The following DNAH9 variants were observed in gnomAD, a reference collection of about 807,000 sequenced individuals.
DNAH9 encodes the protein dynein axonemal heavy chain 9.
Under a neutral mutation model 471.6 loss-of-function variants are expected in DNAH9, and 345 were observed. The ratio of observed to expected loss-of-function variants is 0.73; its 90% CI spans 0.67 to 0.80. The LOEUF (loss-of-function observed/expected upper bound fraction) is 0.80. DNAH9 is among the 30% of genes least tolerant of loss of function. The pLI is 0.00. For synonymous variants in DNAH9, 2,093 were observed against 2,123.6 expected, an observed-to-expected ratio of 0.99 and a Z score of 0.40; for missense variants, 5,407 against 5,609.2, an observed-to-expected ratio of 0.96 and a Z score of 1.15.
chr17:11,807,841 A>T lies in DNAH9; in HGVS notation c.8530A>T (p.Met2844Leu), dbSNP rs767646283. ...AAGGCTGGCAGCTTTCATCAGCTCC[A>T]TGGATGTCTTCCAGATCACACTGCG... ...LTRLAAFISS[M>L]DVFQITLRKG... The change falls in exon 44 of 69, where the codon ATG becomes TTG. Residue 2844 changes from methionine to leucine, a missense_variant. This residue lies in a region of DNAH9 where 4,636 missense variants were observed against 4,900.3 expected (regional missense o/e 0.95). Transcript: ENST00000262442. The T allele has an allele frequency of 6.2e-7, 1 of 1,614,104 alleles. No individual in the cohort carries two copies. Among genetic ancestry groups the T allele is most frequent in the Admixed American group, 1.7e-5 (1 of 60,028 alleles).
In DNAH9 at chr17:11,888,195, A is replaced by G. The variant is rs187787529; in HGVS notation, c.11112+1230A>G. ...GAGACGGGGTTTCACTGTGTTAGCC[A>G]GGATGGTCTCGATCTCCGGACTTCG... On this transcript the variant is annotated intron_variant, in intron 57 of 68. Coordinates refer to ENST00000262442, the MANE Select transcript of DNAH9 (RefSeq NM_001372.4). 1.8e-3 allele frequency among the ~76,000 whole-genome samples: 277 copies of G among 152,106 alleles called. 2 individuals carry two copies. Among genetic ancestry groups the G allele is most frequent in the African/African-American group, 6.3e-3 (262 of 41,490 alleles).
At chr17:11,642,452 T>G (rs541473648) in intron 10 of DNAH9, among the ~76,000 whole-genome samples, 1 of 152,202 alleles carries the variant, frequency 6.6e-6, no homozygotes, top group South Asian at 2.1e-4. Context: ...CTCAGGACGC[T>G]GAGGCAGGAG....
At chr17:11,781,258 G>A (rs1968656225) in intron 39 of DNAH9, 84 bp downstream of exon 39, 10 of 1,431,038 alleles carry the variant, frequency 7.0e-6, no homozygotes, top group Middle Eastern at 2.2e-4. Flanking sequence ...CTGCCTGAAC[G>A]GCAAACCTCA....
At chr17:11,963,614 C>T (rs1290261072) in intron 68 of DNAH9, among the ~76,000 whole-genome samples, 1 of 151,916 alleles carries the variant, frequency 6.6e-6, no homozygotes, top group African/African-American at 2.4e-5. Context: ...ACAATATTCC[C>T]ATGTAACAAA....
chr17:11,783,574 C>T (rs1365203462), intron 39 of DNAH9, 72 bp from the exon 40 acceptor site: 3 of 1,145,142 alleles, frequency 2.6e-6, no homozygotes, highest in East Asian at 4.7e-5. Flanking sequence ...GCACATCCTA[C>T]CGCACCTTGA....
rs2150651844 is a variant in DNAH9, at chr17:11,617,482, G to A, written c.976G>A (p.Ala326Thr). ...GCGCCACCTGGAAGCTCTGGAGAAT[G>A]CAGAATTTCCGGAGGTGAAGCCCCA... is the stretch of plus-strand genomic sequence containing the variant. Reference protein sequence around the residue: ...LQRHLEALENAEFPEVKPQLR... With the variant: ...LQRHLEALENTEFPEVKPQLR... Residue 326 changes from alanine to threonine, a missense_variant, in exon 5 of 69, where the codon GCA becomes ACA. Around this residue, in one of 3 missense-constraint regions of DNAH9, gnomAD observed 767 missense variants for 692.5 expected, o/e 1.11. Transcript: ENST00000262442. The A allele has an allele frequency of 6.2e-7, 1 of 1,614,166 alleles. No homozygotes were observed. The highest frequency in any genetic ancestry group is 8.5e-7 in the Non-Finnish European group (1 of 1,179,998).
At chr17:11,942,064 T>C (rs1009322763) in intron 66 of DNAH9, among the ~76,000 whole-genome samples, 6 of 152,178 alleles carry the variant, frequency 3.9e-5, no homozygotes, top group Non-Finnish European at 8.8e-5. Context: ...CATCTTATTA[T>C]GCTAGGCATG....
intron 45 of DNAH9, among the ~76,000 whole-genome samples, chr17:11,814,018 T>C (rs1263014048): frequency 6.6e-6 from 1 of 152,206 alleles, no homozygotes; most frequent in African/African-American, 2.4e-5. Context: ...ATAGGGGTCA[T>C]GCAACTGCTG....
At chr17:11,739,258 C>T (rs2075397827) in intron 29 of DNAH9, among the ~76,000 whole-genome samples, 2 of 152,172 alleles carry the variant, frequency 1.3e-5, no homozygotes, top group Admixed American at 6.5e-5. Context: ...CGTTGGTAGC[C>T]TGCATTTGCG....
At chr17:11,837,556 C>T (rs567225325) in intron 49 of DNAH9, among the ~76,000 whole-genome samples, 5 of 152,310 alleles carry the variant, frequency 3.3e-5, no homozygotes, top group African/African-American at 9.6e-5. Context: ...TCATCTCTGC[C>T]TTGGACTATG....
At position 11,930,094 on chromosome 17, in the gene DNAH9, G is replaced by T; in HGVS notation, c.12105+1G>T. On this transcript the variant is annotated splice_donor_variant, in intron 63 of 68. Coordinates refer to ENST00000262442, the MANE Select transcript of DNAH9 (RefSeq NM_001372.4). LOFTEE classifies it high-confidence loss of function. ...CAAGGCCCTGGACAACTTCACTCAG[G>T]TACGGCCCCGGGAGGGAGGCAAAAA... 1 of 1,612,922 alleles carries T rather than the reference G, an allele frequency of 6.2e-7. No homozygotes were observed. Among genetic ancestry groups the T allele is most frequent in the Admixed American group, 1.7e-5 (1 of 59,908 alleles).
chr17:11,872,521 T>G (rs1330584873), intron 52 of DNAH9, among the ~76,000 whole-genome samples: 1 of 152,138 alleles, frequency 6.6e-6, no homozygotes, highest in African/African-American at 2.4e-5. Flanking sequence ...TCCTGTGTAT[T>G]TAGTGTGTCC....
Position 11,717,986 on chromosome 17 carries a change from A to G in DNAH9, c.5553-1348A>G, listed in dbSNP as rs181442479. ...CCTCCCAGGCTCAAACAATCATTCC[A>G]CCTCAGCCCACCAAGTAGCTGGAAT... is the stretch of plus-strand genomic sequence containing the variant. On this transcript the variant is annotated intron_variant, in intron 26 of 68. Coordinates refer to ENST00000262442, the MANE Select transcript of DNAH9 (RefSeq NM_001372.4). Among the ~76,000 whole-genome samples, 1,040 of 151,934 alleles carry G rather than the reference A, an allele frequency of 6.8e-3. 18 individuals are homozygous for G. The highest frequency in any genetic ancestry group is 7.1e-3 in the South Asian group (34 of 4,806).
At chr17:11,602,434 G>A (rs1028387854) in intron 1 of DNAH9, among the ~76,000 whole-genome samples, 7 of 152,034 alleles carry the variant, frequency 4.6e-5, no homozygotes, top group East Asian at 1.9e-4. Context: ...ACTCAGCTGC[G>A]TTTCCCCTAC....
chr17:11,811,312 C>G (rs1478363681), intron 45 of DNAH9, among the ~76,000 whole-genome samples: 1 of 148,496 alleles, frequency 6.7e-6, no homozygotes, highest in Non-Finnish European at 1.5e-5. Context: ...GACTCCGTCT[C>G]AATTTAAAAA....
Position 11,629,063 on chromosome 17 carries a change from T to C in DNAH9, c.1351-354T>C, listed in dbSNP as rs114554663. Among the ~76,000 whole-genome samples, 237 of 152,024 alleles carry C rather than the reference T, an allele frequency of 1.6e-3. 2 individuals are homozygous for C. The highest frequency in any genetic ancestry group is 5.2e-3 in the African/African-American group (217 of 41,410). On this transcript the variant is annotated intron_variant, in intron 6 of 68. Coordinates refer to ENST00000262442, the MANE Select transcript of DNAH9 (RefSeq NM_001372.4). ...CAACTTTTCTCATTCACTGTTGTTATGATCATGATGATGATTTTAACTCTT... is the reference window on the plus strand; with the variant it reads ...CAACTTTTCTCATTCACTGTTGTTACGATCATGATGATGATTTTAACTCTT...
Position 11,969,609 on chromosome 17 carries a change from G to T in DNAH9, c.*82G>T. The T allele has an allele frequency of 8.8e-7, 1 of 1,135,018 alleles. No homozygotes were observed. The highest frequency in any genetic ancestry group is 1.6e-5 in the South Asian group (1 of 63,994). 70.3% of individuals were successfully genotyped at this position (1,135,018 alleles called of 1,614,324 possible). A position where few individuals can be genotyped will look rare whatever the true frequency, so the allele number is the denominator to read the frequency against. Reference sequence around the variant, plus strand: ...GACAGGTGGGTGAAGGGTCACCACAGACACTTAGAACGGTAAGAAACCATG... The same window carrying T: ...GACAGGTGGGTGAAGGGTCACCACATACACTTAGAACGGTAAGAAACCATG... On this transcript the variant is annotated 3_prime_UTR_variant, in exon 69 of 69. Coordinates refer to ENST00000262442, the MANE Select transcript of DNAH9 (RefSeq NM_001372.4).
chr17:11,670,249 T>C (rs1050515973), intron 17 of DNAH9, among the ~76,000 whole-genome samples: 2 of 152,222 alleles, frequency 1.3e-5, no homozygotes, highest in Non-Finnish European at 2.9e-5. Flanking sequence ...CCATTCTCAC[T>C]GTGCAACAGG....
intron 5 of DNAH9, among the ~76,000 whole-genome samples, chr17:11,618,762 T>C (rs1475350723): frequency 6.6e-6 from 1 of 152,164 alleles, no homozygotes; most frequent in Non-Finnish European, 1.5e-5. Context: ...TTTCTATCAA[T>C]CATCAAATAA....
Sources: gnomAD v4.1 joint callset for allele counts (sites outside exome capture counted in the v4.1 genomes callset) on GRCh38, gnomAD v4.1.1 for gene constraint, gnomAD v4.1.1 regional missense constraint, MANE v1.5 for transcripts, NCBI Gene and HGNC (gene_info 2026-07-23, HGNC 2026-07-21) for gene names.